Variants in TNNI3K observed in about 807,000 individuals in gnomAD.
TNNI3K encodes the protein serine/threonine-protein kinase TNNI3K.
In TNNI3K, 140 loss-of-function variants were observed where a neutral mutation model predicts 114.5. That is an observed-to-expected ratio of 1.22 (90% CI 1.07 to 1.41). TNNI3K has a LOEUF of 1.41. Among genes scored for constraint, TNNI3K ranks in the 40% most tolerant of loss-of-function variants. TNNI3K has a pLI of 0.00. For missense variants in TNNI3K, 1,125 were observed against 1,007.6 expected, an observed-to-expected ratio of 1.12 and a Z score of -1.58; for synonymous variants, 347 against 347.5, an observed-to-expected ratio of 1.00 and a Z score of 0.02.
intron 5 of TNNI3K, among the ~76,000 whole-genome samples, chr1:74,314,993 C>T (rs1378651624): frequency 6.6e-6 from 1 of 152,126 alleles, no homozygotes; most frequent in Non-Finnish European, 1.5e-5. Context: ...TGAAATGCCT[C>T]TACGAAGCCT....
chr1:74,494,951 C>A (rs1451030815), intron 23 of TNNI3K, among the ~76,000 whole-genome samples: 1 of 152,114 alleles, frequency 6.6e-6, no homozygotes, highest in Non-Finnish European at 1.5e-5. Context: ...CAGCAGCAGT[C>A]CCAGTTAGGC....
chr1:74,450,624 C>T (rs1360108989), intron 20 of TNNI3K, among the ~76,000 whole-genome samples: 6 of 152,016 alleles, frequency 3.9e-5, no homozygotes, highest in Admixed American at 6.6e-5. Flanking sequence ...GACATTTGTG[C>T]GGCCAACAAA....
At chr1:74,424,301 T>C (rs977947364) in intron 17 of TNNI3K, among the ~76,000 whole-genome samples, 2 of 152,138 alleles carry the variant, frequency 1.3e-5, no homozygotes, top group African/African-American at 4.8e-5. Context: ...AACCACACAA[T>C]AGTTTACGTT....
At chr1:74,520,917 T>G (rs1302773914) in intron 23 of TNNI3K, among the ~76,000 whole-genome samples, 2 of 151,964 alleles carry the variant, frequency 1.3e-5, no homozygotes, top group African/African-American at 4.8e-5. Context: ...TGCACAGTTG[T>G]GAATAGTGGT....
chr1:74,507,552 G>A (rs1213997156), intron 23 of TNNI3K, among the ~76,000 whole-genome samples: 1 of 152,142 alleles, frequency 6.6e-6, no homozygotes, highest in Admixed American at 6.5e-5. Context: ...ATGGATATAT[G>A]TGTATTGAAT....
intron 17 of TNNI3K, chr1:74,376,650 A>G (rs1464704930): frequency 6.6e-6 from 1 of 152,028 alleles, no homozygotes; most frequent in Non-Finnish European, 1.5e-5. Context: ...AAAAATGTCA[A>G]TTAATTAAAT....
chr1:74,337,765 G>T (rs1660551282), intron 7 of TNNI3K, among the ~76,000 whole-genome samples: 1 of 151,764 alleles, frequency 6.6e-6, no homozygotes, highest in African/African-American at 2.4e-5. Flanking sequence ...TAATATTCTG[G>T]CTTTTATTGC....
chr1:74,530,246 A>G lies in TNNI3K; in HGVS notation c.2352-9988A>G, dbSNP rs183715032. Among the ~76,000 whole-genome samples, 564 of 152,322 alleles carry G rather than the reference A, an allele frequency of 3.7e-3. 5 individuals are homozygous for G. Among genetic ancestry groups the G allele is most frequent in the Middle Eastern group, 0.014 (4 of 294 alleles). ...CATTGTGCTTGATAAAAAGCCATGG[A>G]AAAAGGAAGAGAGATAGGGATATAG... On this transcript the variant is annotated intron_variant, in intron 23 of 24. Coordinates refer to ENST00000326637, the MANE Select transcript of TNNI3K (RefSeq NM_015978.3).
chr1:74,268,462 C>A (rs915124333), intron 4 of TNNI3K, among the ~76,000 whole-genome samples: 2 of 151,792 alleles, frequency 1.3e-5, no homozygotes, highest in Non-Finnish European at 2.9e-5. Flanking sequence ...ACTGGTACAG[C>A]CTTTTTCCAT....
chr1:74,468,742 G>A (rs1195631210), intron 21 of TNNI3K, among the ~76,000 whole-genome samples: 3 of 152,110 alleles, frequency 2.0e-5, no homozygotes, highest in African/African-American at 4.8e-5. Flanking sequence ...CTAGACAGGT[G>A]TAGAGATAGG....
intron 23 of TNNI3K, among the ~76,000 whole-genome samples, chr1:74,534,653 T>C (rs1487152178): frequency 6.6e-6 from 1 of 152,182 alleles, no homozygotes; most frequent in Non-Finnish European, 1.5e-5. Context: ...ACAATATATC[T>C]CTTTGGATTA....
intron 17 of TNNI3K, among the ~76,000 whole-genome samples, chr1:74,392,654 C>T (rs1663850699): frequency 6.6e-6 from 1 of 152,192 alleles, no homozygotes; most frequent in Non-Finnish European, 1.5e-5. Context: ...GGTTGACTTC[C>T]TGTTTTCCAC....
intron 5 of TNNI3K, among the ~76,000 whole-genome samples, chr1:74,329,573 G>A (rs1227157472): frequency 1.3e-5 from 2 of 151,940 alleles, no homozygotes; most frequent in Admixed American, 6.6e-5. Flanking sequence ...TAAATTATGA[G>A]GTAAGCATGT....
chr1:74,451,690 T>TTCTTTTCTTTTCTTTCTTTCTTTCTTC (rs1553148016), intron 20 of TNNI3K, among the ~76,000 whole-genome samples: 1 of 39,090 alleles, frequency 2.6e-5, no homozygotes, highest in African/African-American at 7.6e-5. Context: ...TTCTTTTCTT[T>TTCTTTTCTTTTCTTTCTTTCTTTCTTC]CTTTCTTTCT....
chr1:74,349,225 A>C (rs935848874), intron 9 of TNNI3K, among the ~76,000 whole-genome samples: 2 of 152,102 alleles, frequency 1.3e-5, no homozygotes, highest in Non-Finnish European at 2.9e-5. Context: ...ACTTTTCTGC[A>C]TCTATTGAGA....
chr1:74,351,229 T>A (rs1661320404), intron 9 of TNNI3K, among the ~76,000 whole-genome samples: 1 of 151,854 alleles, frequency 6.6e-6, no homozygotes, highest in South Asian at 2.1e-4. Flanking sequence ...CTTATGAAGC[T>A]TAGTTTGGCT....
intron 17 of TNNI3K, among the ~76,000 whole-genome samples, chr1:74,383,940 G>T (rs183377018): frequency 1.3e-5 from 2 of 152,066 alleles, no homozygotes; most frequent in Admixed American, 1.3e-4. Flanking sequence ...GACAGACTAA[G>T]GTTATTACAC....
intron 4 of TNNI3K, among the ~76,000 whole-genome samples, chr1:74,254,893 G>A (rs1469437347): frequency 2.0e-5 from 3 of 152,142 alleles, no homozygotes; most frequent in East Asian, 1.9e-4. Context: ...TATACATGGG[G>A]AGATGTGTTC....
intron 2 of TNNI3K, among the ~76,000 whole-genome samples, chr1:74,242,503 G>A (rs1356438650): frequency 6.6e-6 from 1 of 151,970 alleles, no homozygotes; most frequent in African/African-American, 2.4e-5. Context: ...GAATAGCACT[G>A]GAAACTTTTC....
Sources: allele counts gnomAD v4.1 joint callset (sites outside exome capture counted in the v4.1 genomes callset), GRCh38; gene constraint gnomAD v4.1.1; transcripts MANE v1.5; gene names NCBI Gene and HGNC (gene_info 2026-07-23, HGNC 2026-07-21).